The following GALNTL6 variants were observed in gnomAD, a reference collection of about 807,000 sequenced individuals.
GALNTL6 encodes polypeptide N-acetylgalactosaminyltransferase like 6, also known as polypeptide N-acetylgalactosaminyltransferase-like 6.
Under a neutral mutation model 73.7 loss-of-function variants are expected in GALNTL6, and 46 were observed. The ratio of observed to expected loss-of-function variants is 0.62; its 90% CI spans 0.49 to 0.80. GALNTL6 has a LOEUF of 0.80. GALNTL6 is among the 30% of genes least tolerant of loss of function. The probability of loss-of-function intolerance (pLI) is 0.00; values close to 1 mark genes in which losing one functional copy is unlikely to be tolerated. For missense variants in GALNTL6, 604 were observed against 755.0 expected, an observed-to-expected ratio of 0.80 and a Z score of 2.34; for synonymous variants, 259 against 263.7, an observed-to-expected ratio of 0.98 and a Z score of 0.17.
intron 5 of GALNTL6, among the ~76,000 whole-genome samples, chr4:172,718,418 G>A (rs1735240394): frequency 6.6e-6 from 1 of 152,094 alleles, no homozygotes; most frequent in African/African-American, 2.4e-5. Flanking sequence ...GATCACTGGA[G>A]ACCAGGAGTT....
chr4:172,871,514 A>G (rs551151050), intron 7 of GALNTL6, among the ~76,000 whole-genome samples: 1 of 151,486 alleles, frequency 6.6e-6, no homozygotes, highest in South Asian at 2.1e-4. Context: ...AGACTTATGC[A>G]TGCATGTTCC....
intron 5 of GALNTL6, among the ~76,000 whole-genome samples, chr4:172,758,547 GA>G (rs1737885579): frequency 6.6e-6 from 1 of 152,100 alleles, no homozygotes; most frequent in African/African-American, 2.4e-5. Flanking sequence ...AAAAACAAAA[GA>G]AAGGATTTCA....
chr4:172,639,595 T>C (rs1038435379), intron 5 of GALNTL6, among the ~76,000 whole-genome samples: 3 of 152,094 alleles, frequency 2.0e-5, no homozygotes, highest in African/African-American at 7.2e-5. Flanking sequence ...TACTATGTCT[T>C]TCTAGTTCAT....
At chr4:173,014,393 T>C (rs930848949) in intron 11 of GALNTL6, among the ~76,000 whole-genome samples, 2 of 152,138 alleles carry the variant, frequency 1.3e-5, no homozygotes, top group Non-Finnish European at 2.9e-5. Context: ...CTAGTTTGGC[T>C]GTTCCCACTC....
At chr4:172,211,028 T>C (rs1015610954) in intron 2 of GALNTL6, among the ~76,000 whole-genome samples, 3 of 152,250 alleles carry the variant, frequency 2.0e-5, no homozygotes, top group African/African-American at 7.2e-5. Flanking sequence ...CAGTTGGCTC[T>C]TGTGTTTCTC....
intron 4 of GALNTL6, among the ~76,000 whole-genome samples, chr4:172,315,687 T>C (rs755521636): frequency 3.3e-5 from 5 of 152,172 alleles, no homozygotes; most frequent in Non-Finnish European, 7.3e-5. Context: ...GAACATCTTA[T>C]CTTTATATTT....
intron 10 of GALNTL6, among the ~76,000 whole-genome samples, chr4:173,006,741 C>A (rs1047495135): frequency 6.6e-6 from 1 of 152,144 alleles, no homozygotes; most frequent in Non-Finnish European, 1.5e-5. Flanking sequence ...GGGGTCAGGG[C>A]AGGCATTTTC....
intron 5 of GALNTL6, among the ~76,000 whole-genome samples, chr4:172,656,374 T>C (rs1321801480): frequency 6.6e-6 from 1 of 152,214 alleles, no homozygotes; most frequent in Admixed American, 6.5e-5. Context: ...TGTCAACTGA[T>C]AAACAACTCA....
At chr4:172,057,727 AATATATATATATAT>A (rs147660032) in intron 2 of GALNTL6, among the ~76,000 whole-genome samples, 4 of 46,136 alleles carry the variant, frequency 8.7e-5, no homozygotes, top group African/African-American at 3.3e-4. Context: ...AAAAAAAAAA[AATATATATATATAT>A]ATATATATAT....
At chr4:171,915,044 C>G (rs1737579190) in intron 2 of GALNTL6, among the ~76,000 whole-genome samples, 1 of 151,930 alleles carries the variant, frequency 6.6e-6, no homozygotes, top group Non-Finnish European at 1.5e-5. Context: ...GGAATATGGA[C>G]AGGATATCGA....
At chr4:172,923,523 C>T (rs942182315) in intron 8 of GALNTL6, among the ~76,000 whole-genome samples, 2 of 152,216 alleles carry the variant, frequency 1.3e-5, no homozygotes, top group Non-Finnish European at 2.9e-5. Context: ...CTAAGAAATA[C>T]GCAGGTAGAA....
Position 172,203,871 on chromosome 4 carries a change from C to T in GALNTL6, c.139-25785C>T, listed in dbSNP as rs539628030. 1.4e-4 allele frequency among the ~76,000 whole-genome samples: 21 copies of T among 152,188 alleles called. No individual in the cohort carries two copies. The South Asian group carries it at 3.1e-3, about 23-fold the overall frequency. On this transcript the variant is annotated intron_variant, in intron 2 of 12. Transcript: ENST00000506823. ...AAGTGATTCTCCTGCCTCAGTCTCC[C>T]GAGTAGCTGGGATTACAGGCATGTG...
intron 8 of GALNTL6, among the ~76,000 whole-genome samples, chr4:172,911,848 C>T (rs1004511879): frequency 5.9e-5 from 9 of 152,098 alleles, no homozygotes; most frequent in Admixed American, 5.9e-4. Context: ...TTCCTAATTC[C>T]CTGTTTAATT....
chr4:172,392,794 A>T (rs1363543016), intron 5 of GALNTL6, among the ~76,000 whole-genome samples: 1 of 152,176 alleles, frequency 6.6e-6, no homozygotes, highest in Non-Finnish European at 1.5e-5. Context: ...GAAGGGAAGC[A>T]AGTTCTCTCC....
At chr4:172,435,011 T>C (rs1325683499) in intron 5 of GALNTL6, among the ~76,000 whole-genome samples, 3 of 152,056 alleles carry the variant, frequency 2.0e-5, no homozygotes, top group Admixed American at 2.0e-4. Context: ...TAATAAATAT[T>C]TACTTTATAT....
chr4:172,053,017 C>A (rs975606945), intron 2 of GALNTL6, among the ~76,000 whole-genome samples: 2 of 152,098 alleles, frequency 1.3e-5, no homozygotes, highest in South Asian at 2.1e-4. Context: ...ATGAAAGAAA[C>A]CTTACTATGT....
At chr4:172,038,314 G>A (rs1032815607) in intron 2 of GALNTL6, among the ~76,000 whole-genome samples, 1 of 138,830 alleles carries the variant, frequency 7.2e-6, no homozygotes. Context: ...CGGTATTTGT[G>A]AGAGTTTTAA....
At chr4:172,082,015 T>C (rs1439791869) in intron 2 of GALNTL6, among the ~76,000 whole-genome samples, 1 of 152,004 alleles carries the variant, frequency 6.6e-6, no homozygotes, top group African/African-American at 2.4e-5. Context: ...TAGCTGGGAT[T>C]ACAGGCACCC....
intron 2 of GALNTL6, among the ~76,000 whole-genome samples, chr4:171,886,602 C>T (rs185257433): frequency 6.6e-6 from 1 of 152,252 alleles, no homozygotes; most frequent in East Asian, 1.9e-4. Flanking sequence ...ACTTCCAGTT[C>T]CACGTGGCTG....
Sources: allele counts gnomAD v4.1 joint callset (sites outside exome capture counted in the v4.1 genomes callset), GRCh38; gene constraint gnomAD v4.1.1; transcripts MANE v1.5; gene names NCBI Gene and HGNC (gene_info 2026-07-23, HGNC 2026-07-21).